The following AGBL2 variants were observed in gnomAD, a reference collection of about 807,000 sequenced individuals.
The protein encoded by AGBL2 is AGBL carboxypeptidase 2, also known as cytosolic carboxypeptidase 2.
Under a neutral mutation model 103.0 loss-of-function variants are expected in AGBL2, and 87 were observed. The observed-to-expected ratio is 0.84, with a 90% CI of 0.71 to 1.01. The LOEUF (loss-of-function observed/expected upper bound fraction) is 1.01. AGBL2 is among the 50% of genes least tolerant of loss of function. AGBL2 has a pLI of 0.00. For synonymous variants in AGBL2, 335 were observed against 356.7 expected (o/e 0.94, Z 0.69); for missense variants, 904 against 1,023.5 (o/e 0.88, Z 1.59).
intron 8 of AGBL2, 75 bp from the exon 9 acceptor site, chr11:47,692,331 C>G: frequency 8.0e-7 from 1 of 1,251,660 alleles, no homozygotes. Context: ...AGTGGCCCCT[C>G]TAAGTGGTCA....
At chr11:47,701,469 CAAA>C (rs11327584) in intron 7 of AGBL2, among the ~76,000 whole-genome samples, 11 of 94,424 alleles carry the variant, frequency 1.2e-4, no homozygotes, top group Non-Finnish European at 1.2e-4. Flanking sequence ...GACTCCGTCT[CAAA>C]AAAAAAAAAA....
At chr11:47,692,366 A>C in intron 8 of AGBL2, 110 bp from the exon 9 acceptor site, 4 of 624,580 alleles carry the variant, frequency 6.4e-6, no homozygotes, top group Non-Finnish European at 9.8e-6. Context: ...CAACAATGAA[A>C]TTTCTAATTT....
At chr11:47,678,215 G>A (rs2097383373) in intron 13 of AGBL2, among the ~76,000 whole-genome samples, 1 of 151,716 alleles carries the variant, frequency 6.6e-6, no homozygotes. Flanking sequence ...GCCCGCCTTG[G>A]CCTCCCAAAG....
intron 14 of AGBL2, among the ~76,000 whole-genome samples, chr11:47,669,442 G>A (rs924037551): frequency 6.6e-6 from 1 of 152,116 alleles, no homozygotes; most frequent in African/African-American, 2.4e-5. Flanking sequence ...GGCCAAGGTG[G>A]GTGGATCACC....
rs542174580 is a variant in AGBL2 at position 47,675,249 on chromosome 11, C to T, written c.2147+2022G>A. Reference sequence around the variant, plus strand: ...TCTGAGACAGGGTCTCACTCTATAGCGCAGATTGTAGTACACTAGCGCGGC... The same window carrying T: ...TCTGAGACAGGGTCTCACTCTATAGTGCAGATTGTAGTACACTAGCGCGGC... On this transcript the variant is annotated intron_variant, in intron 14 of 18. Transcript: ENST00000525123. 1.3e-4 allele frequency among the ~76,000 whole-genome samples: 17 copies of T among 134,992 alleles called. 1 individual carries two copies. Among genetic ancestry groups the T allele is most frequent in the Admixed American group, 2.5e-4 (3 of 11,836 alleles). The allele number at this position is 134,992 out of a possible 152,430, so 88.6% of individuals were successfully genotyped here.
intron 3 of AGBL2, chr11:47,710,909 CAAAAAAAAAAAAAAA>C (rs2097534881): frequency 3.0e-6 from 1 of 332,574 alleles, no homozygotes; most frequent in Non-Finnish European, 5.7e-6. Context: ...GATCCTGTCT[CAAAAAAAAAAAAAAA>C]GAAAAAAAAA....
At chr11:47,706,304 C>G (rs1051078014) in intron 4 of AGBL2, among the ~76,000 whole-genome samples, 4 of 151,966 alleles carry the variant, frequency 2.6e-5, no homozygotes, top group African/African-American at 9.7e-5. Flanking sequence ...ATCACGAGGT[C>G]AGGAGATCGA....
At chr11:47,680,786 GAAACAAAACAAAACAAAACA>G (rs56208874) in intron 12 of AGBL2, among the ~76,000 whole-genome samples, 1 of 147,494 alleles carries the variant, frequency 6.8e-6, no homozygotes, top group Admixed American at 6.9e-5. Flanking sequence ...GGGAGACCCT[GAAACAAAACAAAACAAAACA>G]AAACAAAACA....
At chr11:47,673,945 AGC>A (rs1377397260) in intron 14 of AGBL2, among the ~76,000 whole-genome samples, 1 of 150,006 alleles carries the variant, frequency 6.7e-6, no homozygotes, top group Non-Finnish European at 1.5e-5. Context: ...ACTAAAAATT[AGC>A]CAGCCGTGGT....
chr11:47,675,134 C>G (rs768142408), intron 14 of AGBL2, among the ~76,000 whole-genome samples: 19 of 150,790 alleles, frequency 1.3e-4, no homozygotes, highest in Non-Finnish European at 2.2e-4. Context: ...GTTGTATTAT[C>G]CAGCTCAAAC....
chr11:47,695,770 G>A (rs573846794), intron 8 of AGBL2, among the ~76,000 whole-genome samples: 1 of 151,052 alleles, frequency 6.6e-6, no homozygotes, highest in Admixed American at 6.6e-5. Context: ...GGAAGATCCT[G>A]TCTAAAAATT....
rs2135046651 is a variant in AGBL2, at chr11:47,715,245, G to T, written c.-171C>A. The T allele has an allele frequency of 1.9e-5, 3 of 154,244 alleles. No homozygotes were observed. In the South Asian group the frequency reaches 6.0e-4, roughly 31 times the overall value. 9.6% of individuals were successfully genotyped at this position (154,244 alleles called of 1,614,324 possible). ...GTCCCAAGCAGCACGGATGGCTGCGGCAGAGAAGCTCCAGCGAGGCAGGCG... is the reference window on the plus strand; with the variant it reads ...GTCCCAAGCAGCACGGATGGCTGCGTCAGAGAAGCTCCAGCGAGGCAGGCG... On this transcript the variant is annotated 5_prime_UTR_variant, in exon 1 of 19. Transcript: ENST00000525123.
At chr11:47,679,935 C>T in intron 13 of AGBL2, 38 bp downstream of exon 13, 1 of 1,340,414 alleles carries the variant, frequency 7.5e-7, no homozygotes, top group Non-Finnish European at 1.1e-6. Context: ...AGCCACCATG[C>T]CTGGCCTTCA....
At chr11:47,714,451 C>G (rs1336844720) in intron 2 of AGBL2, 104 bp from the exon 3 acceptor site, 1 of 1,328,400 alleles carries the variant, frequency 7.5e-7, no homozygotes, top group African/African-American at 1.5e-5. Context: ...CTAAACCAAG[C>G]GAGCTGCATT....
chr11:47,662,847 G>A (rs988483304), intron 18 of AGBL2, among the ~76,000 whole-genome samples, 179 bp downstream of exon 18: 3 of 152,118 alleles, frequency 2.0e-5, no homozygotes, highest in Non-Finnish European at 4.4e-5. Context: ...GTACTGAATG[G>A]TCAGTGGTAA....
chr11:47,671,733 A>G (rs1286172028), intron 14 of AGBL2, among the ~76,000 whole-genome samples: 1 of 152,112 alleles, frequency 6.6e-6, no homozygotes, highest in Non-Finnish European at 1.5e-5. Context: ...CTAATTCCCA[A>G]TTCCCTGTTC....
At chr11:47,678,343 AT>A (rs1440515781) in intron 13 of AGBL2, among the ~76,000 whole-genome samples, 1 of 116,762 alleles carries the variant, frequency 8.6e-6, no homozygotes. Flanking sequence ...TTATTATTTT[AT>A]TTTTTTTGAG....
intron 9 of AGBL2, among the ~76,000 whole-genome samples, chr11:47,691,257 C>T (rs1461352355): frequency 6.6e-6 from 1 of 151,698 alleles, no homozygotes; most frequent in East Asian, 1.9e-4. Context: ...GAGCAAGACT[C>T]CATCTTGAGG....
At chr11:47,667,546 G>C (rs2097344601) in intron 16 of AGBL2, 25 bp downstream of exon 16, 1 of 1,611,720 alleles carries the variant, frequency 6.2e-7, no homozygotes, top group Non-Finnish European at 8.5e-7. Context: ...CTAGACAGTA[G>C]AAATAGCCAG....
Sources: gnomAD v4.1 joint callset for allele counts (sites outside exome capture counted in the v4.1 genomes callset) on GRCh38, gnomAD v4.1.1 for gene constraint, MANE v1.5 for transcripts, NCBI Gene and HGNC (gene_info 2026-07-23, HGNC 2026-07-21) for gene names.